Variants in SLC48A1 observed in about 807,000 individuals in gnomAD.
SLC48A1 encodes solute carrier family 48 member 1.
SLC48A1 carries 6 observed loss-of-function variants against 14.8 expected under a neutral mutation model. The observed-to-expected ratio is 0.41, with a 90% CI of 0.22 to 0.80. SLC48A1 has a LOEUF of 0.80. Ranked by LOEUF, SLC48A1 falls within the 30% of genes least tolerant of loss-of-function variation. SLC48A1 has a pLI of 0.34. For synonymous variants in SLC48A1, 89 were observed against 90.0 expected (o/e 0.99, Z 0.06); for missense variants, 165 against 204.8 (o/e 0.81, Z 1.19).
At chr12:47,772,989 A>G (rs1463143212), upstream of SLC48A1, among the ~76,000 whole-genome samples, 3 of 152,162 alleles carry the variant, frequency 2.0e-5, no homozygotes, top group Non-Finnish European at 4.4e-5. Context: ...GTATAAAGGC[A>G]TATTTCCGGT....
intron 1 of SLC48A1, chr12:47,758,891 C>T: frequency 2.7e-6 from 3 of 1,115,942 alleles, no homozygotes; most frequent in South Asian, 3.8e-5. Context: ...GGCACCGGTC[C>T]GGGCGGGAGC....
chr12:47,777,377 T>C lies in SLC48A1; in HGVS notation c.137-1651T>C, dbSNP rs1484005496. Among the ~76,000 whole-genome samples the C allele has an allele frequency of 3.3e-5, 5 of 152,098 alleles. No individual in the cohort carries two copies. Among genetic ancestry groups the C allele is most frequent in the Admixed American group, 3.3e-4 (5 of 15,280 alleles). Reference sequence around the variant, plus strand: ...GGAGAGTGTTCAGGGGGTCAAACGGTGGCAGGGGCTGAGGGAAGCTGTAGG... The same window carrying C: ...GGAGAGTGTTCAGGGGGTCAAACGGCGGCAGGGGCTGAGGGAAGCTGTAGG... On this transcript the variant is annotated intron_variant, in intron 1 of 2. Transcript: ENST00000442218. The surrounding 1 kb of genome is among the most constrained non-coding windows in gnomAD (Gnocchi z 4.5).
Position 47,758,764 on chromosome 12 carries a change from G to T in SLC48A1, c.-373+104G>T, listed in dbSNP as rs910516284. On this transcript the variant is annotated intron_variant, in intron 1 of 4. Transcript: ENST00000547002. ...GAGGCTCCTCTTGGGTGAGTAGAGG[G>T]GTGGGGGCGTGGTGGGGGGACGCCA... The T allele has an allele frequency of 3.2e-6, 4 of 1,247,790 alleles. No homozygotes were observed. In the South Asian group the frequency reaches 1.3e-4, roughly 40 times the overall value. The allele number at this position is 1,247,790 out of a possible 1,614,324, so 77.3% of individuals were successfully genotyped here. A position where few individuals can be genotyped will look rare whatever the true frequency, so the allele number is the denominator to read the frequency against.
At chr12:47,765,032 G>A (rs1942482796) in intron 2 of SLC48A1, among the ~76,000 whole-genome samples, 2 of 122,728 alleles carry the variant, frequency 1.6e-5, no homozygotes, top group East Asian at 2.8e-4. Flanking sequence ...AGTCAAGATC[G>A]CACCACTGCA....
intron 2 of SLC48A1, among the ~76,000 whole-genome samples, chr12:47,779,480 C>G (rs1284605310): frequency 6.6e-6 from 1 of 152,172 alleles, no homozygotes. Flanking sequence ...GATGGGAGCG[C>G]CCTCTGGTGG....
chr12:47,757,483 C>A (rs1017438946), upstream of SLC48A1, among the ~76,000 whole-genome samples: 1 of 152,102 alleles, frequency 6.6e-6, no homozygotes, highest in Non-Finnish European at 1.5e-5. Context: ...GGTGATGCAC[C>A]CAGAACTGTA....
Position 47,780,905 on chromosome 12 carries a change from ACTTAAGGC to A in SLC48A1, c.*626_*633del, listed in dbSNP as rs746107383. 1 of 533,466 alleles carries A rather than the reference ACTTAAGGC, an allele frequency of 1.9e-6. No individual in the cohort carries two copies. Among genetic ancestry groups the A allele is most frequent in the Non-Finnish European group, 3.8e-6 (1 of 260,032 alleles). The allele number at this position is 533,466 out of a possible 1,614,324, so 33.0% of individuals were successfully genotyped here. A position where few individuals can be genotyped will look rare whatever the true frequency, so the allele number is the denominator to read the frequency against. ...TTAGCACGCAGTGAGGAATCTTTGTACTTAAGGCCAGGGCAACAAAGTCAAGAGGTCAA... is the reference window on the plus strand; with the variant it reads ...TTAGCACGCAGTGAGGAATCTTTGTACAGGGCAACAAAGTCAAGAGGTCAA... On this transcript the variant is annotated 3_prime_UTR_variant, in exon 3 of 3. Coordinates refer to ENST00000442218, the MANE Select transcript of SLC48A1 (RefSeq NM_017842.3).
At chr12:47,774,539 C>T (rs1022306433) in intron 1 of SLC48A1, among the ~76,000 whole-genome samples, 3 of 152,152 alleles carry the variant, frequency 2.0e-5, no homozygotes, top group African/African-American at 4.8e-5. Flanking sequence ...GATTATATTC[C>T]ATTACTAAAA....
intron 1 of SLC48A1, 111 bp downstream of exon 1, chr12:47,773,551 G>C: frequency 8.2e-7 from 1 of 1,226,548 alleles, no homozygotes; most frequent in Non-Finnish European, 1.0e-6. Flanking sequence ...AGCGGGTGGA[G>C]TGTTTACTCG....
At chr12:47,779,842 C>T (rs1942829125) in intron 2 of SLC48A1, among the ~76,000 whole-genome samples, 1 of 152,212 alleles carries the variant, frequency 6.6e-6, no homozygotes, top group African/African-American at 2.4e-5. Flanking sequence ...TTGTGAGGCG[C>T]ATGCGAGGGT....
At chr12:47,774,827 T>C (rs1015450324) in intron 1 of SLC48A1, among the ~76,000 whole-genome samples, 1 of 152,184 alleles carries the variant, frequency 6.6e-6, no homozygotes, top group Non-Finnish European at 1.5e-5. Flanking sequence ...CTGCGCGTTA[T>C]CTACAGAGCC....
intron 2 of SLC48A1, among the ~76,000 whole-genome samples, chr12:47,761,618 C>G (rs934486449): frequency 1.3e-5 from 2 of 152,172 alleles, no homozygotes; most frequent in Non-Finnish European, 2.9e-5. Flanking sequence ...AAGGCTGAGG[C>G]CTAGAAGGGG....
chr12:47,773,258 T>G lies in SLC48A1; in HGVS notation c.-47T>G. On this transcript the variant is annotated 5_prime_UTR_variant, in exon 1 of 3. Transcript: ENST00000442218. The stretch of plus-strand genomic sequence containing the variant: ...CTGGCGGCTTCGGGCCCTGCACCTG[T>G]GACTCTCGGCCGCGCTCGCCCTCGG... 1 of 1,294,860 alleles carries G rather than the reference T, an allele frequency of 7.7e-7. No homozygotes were observed. The highest frequency in any genetic ancestry group is 9.8e-7 in the Non-Finnish European group (1 of 1,018,132). The allele number at this position is 1,294,860 out of a possible 1,614,324, so 80.2% of individuals were successfully genotyped here.
Position 47,758,914 on chromosome 12 carries a change from T to G in SLC48A1, c.-373+254T>G, listed in dbSNP as rs907442051. ...TCCGGGCGGGAGCTGTCACACCCCC[T>G]GCGCTGCCCGCCCCCTTCCCCTCCC... On this transcript the variant is annotated intron_variant, in intron 1 of 4. Transcript: ENST00000547002. The G allele has an allele frequency of 4.7e-5, 50 of 1,064,254 alleles. No individual in the cohort carries two copies. The African/African-American group carries it at 8.0e-4, about 17-fold the overall frequency. 65.9% of individuals were successfully genotyped at this position (1,064,254 alleles called of 1,614,324 possible). A position where few individuals can be genotyped will look rare whatever the true frequency, so the allele number is the denominator to read the frequency against.
rs777032258 is a variant in SLC48A1 at position 47,780,261 on chromosome 12, A to G, written c.421A>G (p.Ser141Gly). 6.2e-7 allele frequency: 1 copy of G among 1,614,218 alleles called. No homozygotes were observed. Among genetic ancestry groups the G allele is most frequent in the South Asian group, 1.1e-5 (1 of 91,090 alleles). ...HRYRADFADI[S>G]ILSDF ...CTACCGGGCTGACTTTGCTGACATC[A>G]GCATCCTCAGCGATTTCTGACCCAG... Residue 141 changes from serine (S) to glycine (G), a missense_variant, in exon 3 of 3, where the codon AGC (serine) becomes GGC (glycine). By Grantham distance (56) the Ser-to-Gly change is moderately conservative. Transcript: ENST00000442218.
Position 47,779,039 on chromosome 12 carries a change from C to T in SLC48A1, c.148C>T (p.Leu50=). 6.4e-7 allele frequency: 1 copy of T among 1,551,678 alleles called. No homozygotes were observed. The highest frequency in any genetic ancestry group is 1.2e-5 in the South Asian group (1 of 84,052). ...TGTCTCTCCTGCAGGGGTGCTGGCA[C>T]TGTGGGTCCTGGTGACGCACGTGAT... The part of the protein sequence containing the change: ...AMGGLAGVLA[L]WVLVTHVMYM... Residue 50 remains leucine (L), a synonymous_variant, in exon 2 of 3, where the codon CTG becomes TTG. Transcript: ENST00000442218.
chr12:47,774,045 C>G (rs1454804582), intron 1 of SLC48A1, among the ~76,000 whole-genome samples: 1 of 152,220 alleles, frequency 6.6e-6, no homozygotes, highest in Non-Finnish European at 1.5e-5. Flanking sequence ...ACTGGACATT[C>G]TCTTTCCACC....
At chr12:47,757,995 G>C, upstream of SLC48A1, 1 of 1,573,214 alleles carries the variant, frequency 6.4e-7, no homozygotes, top group Non-Finnish European at 8.6e-7. Flanking sequence ...CGTCAGGGAG[G>C]GCTCCCACCC....
At chr12:47,762,124 A>T (rs1375119153) in intron 2 of SLC48A1, among the ~76,000 whole-genome samples, 3 of 152,032 alleles carry the variant, frequency 2.0e-5, no homozygotes, top group Non-Finnish European at 4.4e-5. Flanking sequence ...AATACACTCT[A>T]CTCGGACAAT....
Sources: allele counts gnomAD v4.1 joint callset (sites outside exome capture counted in the v4.1 genomes callset), GRCh38; gene constraint gnomAD v4.1.1; non-coding constraint Gnocchi (gnomAD v3.1); transcripts MANE v1.5; gene names NCBI Gene and HGNC (gene_info 2026-07-23, HGNC 2026-07-21).